The following L3MBTL4 variants were observed in gnomAD, a reference collection of about 807,000 sequenced individuals.
The protein encoded by L3MBTL4 is lethal(3)malignant brain tumor-like protein 4.
Under a neutral mutation model 84.5 loss-of-function variants are expected in L3MBTL4, and 70 were observed. That is an observed-to-expected ratio of 0.83 (90% CI 0.68 to 1.01). The LOEUF is 1.01. Among genes scored for constraint, L3MBTL4 ranks in the 50% least tolerant of loss-of-function variants. The probability of loss-of-function intolerance (pLI) is 0.00; values close to 1 mark genes in which losing one functional copy is unlikely to be tolerated. For missense variants in L3MBTL4, 715 were observed against 754.8 expected (o/e 0.95, Z 0.62); for synonymous variants, 274 against 259.8 (o/e 1.05, Z -0.52).
chr18:5,995,291 G>A (rs1374949857), intron 16 of L3MBTL4, among the ~76,000 whole-genome samples: 1 of 152,246 alleles, frequency 6.6e-6, no homozygotes, highest in Non-Finnish European at 1.5e-5. Flanking sequence ...TCGCCATTGT[G>A]TGTCCCTGCA....
At chr18:5,985,813 A>G (rs1286915182) in intron 16 of L3MBTL4, among the ~76,000 whole-genome samples, 1 of 152,120 alleles carries the variant, frequency 6.6e-6, no homozygotes, top group African/African-American at 2.4e-5. Context: ...TTGAGGACAA[A>G]AAACAGAGAT....
At chr18:6,070,688 A>G (rs1328367619) in intron 16 of L3MBTL4, among the ~76,000 whole-genome samples, 2 of 151,936 alleles carry the variant, frequency 1.3e-5, no homozygotes, top group Non-Finnish European at 2.9e-5. Context: ...AAAAACAAAA[A>G]TTAGCCGGGC....
chr18:6,002,938 C>A (rs2054278704), intron 16 of L3MBTL4, among the ~76,000 whole-genome samples: 1 of 151,274 alleles, frequency 6.6e-6, no homozygotes, highest in Non-Finnish European at 1.5e-5. Context: ...TATATTCTAT[C>A]TATAAGATAC....
intron 16 of L3MBTL4, among the ~76,000 whole-genome samples, chr18:6,012,120 G>T (rs958399093): frequency 6.6e-5 from 10 of 152,168 alleles, no homozygotes; most frequent in African/African-American, 2.4e-4. Flanking sequence ...GTCAGCTCAG[G>T]TACCTGTGCT....
At chr18:6,134,157 T>G (rs1320493101) in intron 14 of L3MBTL4, among the ~76,000 whole-genome samples, 1 of 152,064 alleles carries the variant, frequency 6.6e-6, no homozygotes, top group East Asian at 1.9e-4. Context: ...CAGAAACCCC[T>G]GATAAACCCA....
intron 16 of L3MBTL4, among the ~76,000 whole-genome samples, chr18:5,990,253 A>C (rs1330331800): frequency 6.6e-6 from 1 of 152,158 alleles, no homozygotes; most frequent in African/African-American, 2.4e-5. Context: ...ACACAAAATA[A>C]ATCTTCTAAA....
At chr18:6,136,468 G>A (rs553077953) in intron 14 of L3MBTL4, among the ~76,000 whole-genome samples, 1 of 152,298 alleles carries the variant, frequency 6.6e-6, no homozygotes, top group South Asian at 2.1e-4. Context: ...CTGCTTTTCT[G>A]CATGAAAGAT....
chr18:5,995,233 C>T (rs572686124), intron 16 of L3MBTL4, among the ~76,000 whole-genome samples: 10 of 152,332 alleles, frequency 6.6e-5, no homozygotes, highest in Admixed American at 2.0e-4. Context: ...CAAGGACTTA[C>T]GAAATAACAT....
chr18:6,201,635 A>G (rs867823996), intron 12 of L3MBTL4, among the ~76,000 whole-genome samples: 16 of 152,196 alleles, frequency 1.1e-4, no homozygotes, highest in African/African-American at 2.9e-4. Flanking sequence ...TACATTCCCA[A>G]TGAAGTAAGG....
intron 16 of L3MBTL4, among the ~76,000 whole-genome samples, chr18:6,005,033 T>C (rs548147981): frequency 7.0e-6 from 1 of 143,660 alleles, no homozygotes; most frequent in Admixed American, 7.0e-5. Context: ...TTTTTACTTT[T>C]AGTTCAGGAG....
chr18:6,047,434 G>A (rs1407706100), intron 16 of L3MBTL4, among the ~76,000 whole-genome samples: 1 of 151,768 alleles, frequency 6.6e-6, no homozygotes, highest in Non-Finnish European at 1.5e-5. Context: ...CCAAAATCTG[G>A]CAAAAACACA....
At chr18:6,146,890 G>A (rs2042679131) in intron 13 of L3MBTL4, among the ~76,000 whole-genome samples, 2 of 152,090 alleles carry the variant, frequency 1.3e-5, no homozygotes, top group African/African-American at 4.8e-5. Flanking sequence ...AGTAGTCCCA[G>A]TCCTGGCGAA....
rs149111669 is a variant in L3MBTL4, at chr18:6,372,656, G to C, written c.-91+42145C>G. ...CTGCTGACCTACTGTTTCCAATCCA[G>C]TAAGTGCCCCCTTTCACTCTCCAAA... On this transcript the variant is annotated intron_variant, in intron 1 of 18. Coordinates refer to ENST00000317931, the MANE Select transcript of L3MBTL4 (RefSeq NM_001330559.2). 7.9e-5 allele frequency among the ~76,000 whole-genome samples: 12 copies of C among 152,256 alleles called. No homozygotes were observed. In the East Asian group the frequency reaches 2.3e-3, roughly 29 times the overall value.
chr18:6,267,475 C>A (rs138739102), intron 4 of L3MBTL4, among the ~76,000 whole-genome samples: 3 of 152,224 alleles, frequency 2.0e-5, no homozygotes, highest in African/African-American at 4.8e-5. Flanking sequence ...AGCAATCTGA[C>A]AAACCCTGAA....
chr18:6,238,474 A>G (rs985170468), intron 9 of L3MBTL4, among the ~76,000 whole-genome samples: 2 of 152,172 alleles, frequency 1.3e-5, no homozygotes, highest in African/African-American at 2.4e-5. Context: ...CGGAGCTCAC[A>G]GTGAGCCAAG....
Position 6,105,056 on chromosome 18 carries a change from G to C in L3MBTL4, c.1200-11528C>G, listed in dbSNP as rs1451898095. 2.0e-5 allele frequency among the ~76,000 whole-genome samples: 3 copies of C among 152,134 alleles called. 1 individual carries two copies. The Middle Eastern group carries it at 0.01, about 517-fold the overall frequency. ...AAGATTGGGGGCATTAATATAATTGGTGATAAGGATGAACGTCTATTTCTT... is the reference window on the plus strand; with the variant it reads ...AAGATTGGGGGCATTAATATAATTGCTGATAAGGATGAACGTCTATTTCTT... On this transcript the variant is annotated intron_variant, in intron 14 of 18. Coordinates refer to ENST00000317931, the MANE Select transcript of L3MBTL4 (RefSeq NM_001330559.2).
intron 16 of L3MBTL4, among the ~76,000 whole-genome samples, chr18:5,984,973 C>T (rs117569442): frequency 0.017 from 2,523 of 151,986 alleles, 28 homozygotes; most frequent in Middle Eastern, 0.048. Context: ...ACATAATTCT[C>T]AACTTTTCCA....
intron 1 of L3MBTL4, among the ~76,000 whole-genome samples, chr18:6,323,363 T>C (rs1468898719): frequency 2.0e-5 from 3 of 152,302 alleles, no homozygotes; most frequent in South Asian, 2.1e-4. Flanking sequence ...CAGAAGAAGA[T>C]AAGAAGATGA....
chr18:6,098,378 C>A (rs950269945), intron 14 of L3MBTL4, among the ~76,000 whole-genome samples: 8 of 152,220 alleles, frequency 5.3e-5, no homozygotes, highest in African/African-American at 1.9e-4. Context: ...AGGCTCTAAG[C>A]CCCCTCTTGT....
Sources: allele counts gnomAD v4.1 joint callset (sites outside exome capture counted in the v4.1 genomes callset), GRCh38; gene constraint gnomAD v4.1.1; transcripts MANE v1.5; gene names NCBI Gene and HGNC (gene_info 2026-07-23, HGNC 2026-07-21).